Variants in TRIM5 observed in about 807,000 individuals in gnomAD.
TRIM5 encodes tripartite motif-containing protein 5.
In TRIM5, 31 loss-of-function variants were observed where a neutral mutation model predicts 35.6. That is an observed-to-expected ratio of 0.87 (90% confidence interval 0.65 to 1.18). The LOEUF is 1.18. Among genes scored for constraint, TRIM5 ranks in the 50% most tolerant of loss-of-function variants. TRIM5 has a pLI of 0.00. For synonymous variants in TRIM5, 243 were observed against 215.6 expected, an observed-to-expected ratio of 1.13 and a Z score of -1.11; for missense variants, 609 against 591.6, an observed-to-expected ratio of 1.03 and a Z score of -0.31.
chr11:5,675,688 GT>G (rs888486716), intron 4 of TRIM5, among the ~76,000 whole-genome samples: 1 of 147,648 alleles, frequency 6.8e-6, no homozygotes, highest in African/African-American at 2.5e-5. Context: ...CTTCTGTTGT[GT>G]TTTTTTTGTT....
the TRIM5 span, among the ~76,000 whole-genome samples, chr11:5,654,319 G>A: frequency 6.6e-6 from 1 of 151,914 alleles, no homozygotes; most frequent in African/African-American, 2.4e-5. Flanking sequence ...AATACTTTTT[G>A]CTTCAGATAA....
intron 1 of TRIM5, among the ~76,000 whole-genome samples, chr11:5,681,046 C>T (rs947538508): frequency 5.9e-5 from 9 of 152,122 alleles, no homozygotes; most frequent in African/African-American, 1.9e-4. Flanking sequence ...GGAGTCTCAT[C>T]CTGAAAGTTT....
chr11:5,674,227 T>C (rs1226054990), intron 4 of TRIM5, among the ~76,000 whole-genome samples: 2 of 152,094 alleles, frequency 1.3e-5, no homozygotes, highest in Non-Finnish European at 2.9e-5. Context: ...ATGAAAGGAA[T>C]TGCAGATGGA....
At chr11:5,683,355 A>G (rs1852686935) in intron 1 of TRIM5, among the ~76,000 whole-genome samples, 1 of 152,216 alleles carries the variant, frequency 6.6e-6, no homozygotes, top group Non-Finnish European at 1.5e-5. Context: ...CACTGCGTGA[A>G]GCCAGTGGGG....
chr11:5,672,461 C>T (rs531263269), intron 4 of TRIM5, among the ~76,000 whole-genome samples: 2 of 152,082 alleles, frequency 1.3e-5, no homozygotes, highest in South Asian at 2.1e-4. Context: ...TCCACCTGCC[C>T]CAGCCTCCCA....
chr11:5,674,518 C>T (rs1851795846), intron 4 of TRIM5, among the ~76,000 whole-genome samples: 1 of 152,218 alleles, frequency 6.6e-6, no homozygotes, highest in African/African-American at 2.4e-5. Context: ...CCAAATGTTA[C>T]CTCAGACCCT....
the TRIM5 span, among the ~76,000 whole-genome samples, chr11:5,651,588 G>A: frequency 6.6e-6 from 1 of 152,104 alleles, no homozygotes; most frequent in Admixed American, 6.5e-5. Flanking sequence ...ATTGTGAATG[G>A]TGCTGTGATG....
chr11:5,604,939 C>T, the TRIM5 span: 1 of 445,148 alleles, frequency 2.2e-6, no homozygotes. Context: ...ATTCAGAGTA[C>T]AAATGCAAGG....
At chr11:5,667,324 A>G (rs540221031) in intron 5 of TRIM5, among the ~76,000 whole-genome samples, 1 of 151,250 alleles carries the variant, frequency 6.6e-6, no homozygotes, top group South Asian at 2.1e-4. Flanking sequence ...CTCCTGCCTC[A>G]GCCTCCCGAA....
the TRIM5 span, chr11:5,605,363 G>T: frequency 6.2e-6 from 10 of 1,614,016 alleles, no homozygotes; most frequent in Non-Finnish European, 8.5e-6. Flanking sequence ...AGAGATGCAG[G>T]ATCCAGACAG....
the TRIM5 span, chr11:5,610,782 G>T: frequency 6.2e-7 from 1 of 1,613,888 alleles, no homozygotes; most frequent in Non-Finnish European, 8.5e-7. Context: ...TACAGTTGAC[G>T]TGACCCTGAA....
the TRIM5 span, among the ~76,000 whole-genome samples, chr11:5,599,953 C>T: frequency 3.1e-3 from 460 of 148,890 alleles, 3 homozygotes; most frequent in Middle Eastern, 7.5e-3. Flanking sequence ...CCTTATAGTG[C>T]AGTGTGCTAA....
At chr11:5,636,885 G>A in the TRIM5 span, among the ~76,000 whole-genome samples, 2 of 152,136 alleles carry the variant, frequency 1.3e-5, no homozygotes, top group African/African-American at 2.4e-5. Context: ...GGTGGCTCAC[G>A]CCTGTAATCC....
At chr11:5,636,177 G>GGA in the TRIM5 span, among the ~76,000 whole-genome samples, 1 of 152,210 alleles carries the variant, frequency 6.6e-6, no homozygotes, top group East Asian at 1.9e-4. Context: ...TCCAAACAAT[G>GGA]TAATATTGTT....
At chr11:5,643,758 C>T in the TRIM5 span, 2 of 1,527,038 alleles carry the variant, frequency 1.3e-6, no homozygotes, top group South Asian at 1.3e-5. Flanking sequence ...TTATCTCCTG[C>T]AACTGACTCA....
chr11:5,675,634 C>A (rs530724875), intron 4 of TRIM5, among the ~76,000 whole-genome samples: 1 of 151,532 alleles, frequency 6.6e-6, no homozygotes, highest in Non-Finnish European at 1.5e-5. Context: ...TGAAGGATGC[C>A]CCTGGGGGTG....
the TRIM5 span, among the ~76,000 whole-genome samples, chr11:5,653,011 C>A: frequency 6.6e-6 from 1 of 152,016 alleles, no homozygotes. Flanking sequence ...CACCAGCATA[C>A]CCGGCTAATT....
chr11:5,608,311 G>A, the TRIM5 span: 3 of 1,606,676 alleles, frequency 1.9e-6, no homozygotes, highest in Non-Finnish European at 2.5e-6. Flanking sequence ...CATGGAAGGA[G>A]AAATGTGGAT....
the TRIM5 span, chr11:5,634,520 C>CATATAT: frequency 1.6e-6 from 1 of 636,150 alleles, no homozygotes; most frequent in African/African-American, 2.1e-5. Context: ...CACACACACA[C>CATATAT]ACACACACAC....
Sources: allele counts gnomAD v4.1 joint callset (sites outside exome capture counted in the v4.1 genomes callset), GRCh38; gene constraint gnomAD v4.1.1; transcripts MANE v1.5; gene names NCBI Gene and HGNC (gene_info 2026-07-23, HGNC 2026-07-21).